The following ASIC5 variants were observed in gnomAD, a reference collection of about 807,000 sequenced individuals.
ASIC5 encodes acid sensing ion channel subunit family member 5, also known as bile acid-sensitive ion channel.
In ASIC5, 52 loss-of-function variants were observed where a neutral mutation model predicts 51.2. That is an observed-to-expected ratio of 1.02 (90% confidence interval 0.81 to 1.28). The LOEUF is 1.28. ASIC5 is among the 50% of genes most tolerant of loss of function. ASIC5 has a pLI of 0.00. For missense variants in ASIC5, 635 were observed against 595.0 expected (o/e 1.07, Z -0.70); for synonymous variants, 231 against 200.7 (o/e 1.15, Z -1.28).
chr4:155,865,801 CA>C (rs1255252284), intron 1 of ASIC5, among the ~76,000 whole-genome samples: 1 of 152,082 alleles, frequency 6.6e-6, no homozygotes, highest in Non-Finnish European at 1.5e-5. Flanking sequence ...GGAGTATATA[CA>C]GTGTCATTAT....
chr4:155,842,576 TAA>T (rs770494336), intron 5 of ASIC5, among the ~76,000 whole-genome samples: 2 of 152,256 alleles, frequency 1.3e-5, no homozygotes, highest in East Asian at 1.9e-4. Flanking sequence ...TGTGAATTAA[TAA>T]AGTCAGACAC....
At chr4:155,847,499 T>G (rs1741281908) in intron 4 of ASIC5, among the ~76,000 whole-genome samples, 1 of 151,954 alleles carries the variant, frequency 6.6e-6, no homozygotes, top group Non-Finnish European at 1.5e-5. Flanking sequence ...AGCAGGTGGA[T>G]CACCTGAGGT....
At chr4:155,851,263 T>A (rs1741376005) in intron 4 of ASIC5, among the ~76,000 whole-genome samples, 1 of 152,026 alleles carries the variant, frequency 6.6e-6, no homozygotes, top group Non-Finnish European at 1.5e-5. Context: ...CAAGTATATG[T>A]AGGTACATGC....
At chr4:155,832,540 C>T (rs775440327) in intron 8 of ASIC5, among the ~76,000 whole-genome samples, 24 of 152,274 alleles carry the variant, frequency 1.6e-4, no homozygotes, top group South Asian at 6.2e-4. Flanking sequence ...GCTCGTTACA[C>T]GGTCTTGAAA....
chr4:155,843,967 T>C (rs1474220989), intron 4 of ASIC5, 137 bp from the exon 5 acceptor site: 2 of 842,828 alleles, frequency 2.4e-6, no homozygotes, highest in Non-Finnish European at 3.6e-6. Flanking sequence ...TATCTCTTTT[T>C]GTCTAAAGTG....
At chr4:155,832,908 A>G (rs1740902294) in intron 8 of ASIC5, among the ~76,000 whole-genome samples, 1 of 152,064 alleles carries the variant, frequency 6.6e-6, no homozygotes, top group Non-Finnish European at 1.5e-5. Flanking sequence ...TTCAACAAAT[A>G]TTGTCAGGAA....
In ASIC5 at chr4:155,843,920, G is replaced by A; in HGVS notation, c.712-90C>T. ...GATTTAGTTTTATCATCTCATGATA[G>A]CGTTTGACTAATCCTAAATATTTTA... On this transcript the variant is annotated intron_variant, in intron 4 of 9. Coordinates refer to ENST00000537611, the MANE Select transcript of ASIC5 (RefSeq NM_017419.3). 4.4e-6 allele frequency: 5 copies of A among 1,132,574 alleles called. No homozygotes were observed. The South Asian group carries it at 5.6e-5, about 13-fold the overall frequency. 70.2% of individuals were successfully genotyped at this position (1,132,574 alleles called of 1,614,324 possible).
chr4:155,865,368 A>C (rs920728781), intron 1 of ASIC5, among the ~76,000 whole-genome samples: 2 of 152,150 alleles, frequency 1.3e-5, no homozygotes, highest in Non-Finnish European at 2.9e-5. Context: ...AATATATTTA[A>C]ATATGCTCTT....
In ASIC5 at chr4:155,852,254, G is replaced by A. The variant is rs145168162; in HGVS notation, c.648C>T (p.Leu216=). ...AGACACTCACTTTTCTCTTTGCTTG[G>A]AGAGTTTCACCATGATTAAAAGTAA... The part of the protein sequence containing the change: ...NCFTFNHGET[L]QAKRKVSVSG... Residue 216 remains leucine, a synonymous_variant, in exon 4 of 10, where the codon CTC becomes CTT. Transcript: ENST00000537611. The A allele has an allele frequency of 5.3e-5, 85 of 1,607,310 alleles. 1 individual carries two copies. The African/African-American group carries it at 8.6e-4, about 16-fold the overall frequency.
At chr4:155,866,136 C>G in intron 1 of ASIC5, 51 bp downstream of exon 1, 1 of 1,180,788 alleles carries the variant, frequency 8.5e-7, no homozygotes, top group Non-Finnish European at 1.2e-6. Flanking sequence ...TTACTTCTGG[C>G]CTCTAGAAAT....
At chr4:155,833,106 C>T (rs1365673295) in intron 8 of ASIC5, among the ~76,000 whole-genome samples, 2 of 152,122 alleles carry the variant, frequency 1.3e-5, no homozygotes, top group Non-Finnish European at 2.9e-5. Flanking sequence ...CTTTTATACA[C>T]TGAGGTATCT....
At chr4:155,833,425 A>T (rs1740913745) in intron 8 of ASIC5, among the ~76,000 whole-genome samples, 1 of 152,242 alleles carries the variant, frequency 6.6e-6, no homozygotes, top group African/African-American at 2.4e-5. Flanking sequence ...TTTTGAAATC[A>T]ATAATTCCAA....
At chr4:155,848,583 A>C (rs1420228436) in intron 4 of ASIC5, among the ~76,000 whole-genome samples, 1 of 152,132 alleles carries the variant, frequency 6.6e-6, no homozygotes, top group Non-Finnish European at 1.5e-5. Context: ...TTCCTTGTCA[A>C]TTGTGTCTTT....
At chr4:155,863,404 G>C (rs1741765282) in intron 2 of ASIC5, 44 bp downstream of exon 2, 1 of 1,442,528 alleles carries the variant, frequency 6.9e-7, no homozygotes, top group East Asian at 2.5e-5. Context: ...GATTATACTA[G>C]CAAATTTATA....
chr4:155,850,382 A>G (rs2111251573), intron 4 of ASIC5, among the ~76,000 whole-genome samples: 1 of 152,130 alleles, frequency 6.6e-6, no homozygotes, highest in South Asian at 2.1e-4. Flanking sequence ...ATATTAATTG[A>G]TGTCTCATGT....
rs570199743 is a variant in ASIC5, at chr4:155,853,132, T to C, written c.586-816A>G. On this transcript the variant is annotated intron_variant, in intron 3 of 9. Coordinates refer to ENST00000537611, the MANE Select transcript of ASIC5 (RefSeq NM_017419.3). The stretch of plus-strand genomic sequence containing the variant: ...AGAACAGAAATGGGTTTCTGTAATA[T>C]GCAACTGAAAAAATTCTCTAACATG... Among the ~76,000 whole-genome samples the C allele has an allele frequency of 7.8e-4, 119 of 152,172 alleles. 1 individual carries two copies. Among genetic ancestry groups the C allele is most frequent in the African/African-American group, 2.7e-3 (112 of 41,556 alleles).
At chr4:155,839,062 G>A (rs1741059068) in intron 6 of ASIC5, among the ~76,000 whole-genome samples, 193 bp from the exon 7 acceptor site, 1 of 152,074 alleles carries the variant, frequency 6.6e-6, no homozygotes, top group East Asian at 1.9e-4. Flanking sequence ...TGTGTTGGGA[G>A]GAAGAATAAT....
intron 1 of ASIC5, chr4:155,864,504 C>T (rs555597257): frequency 2.0e-5 from 3 of 152,152 alleles, no homozygotes; most frequent in African/African-American, 7.2e-5. Flanking sequence ...TCCATTTGTT[C>T]ATAGGAGAAG....
intron 8 of ASIC5, among the ~76,000 whole-genome samples, chr4:155,833,304 A>G (rs1287190949): frequency 6.6e-6 from 1 of 152,200 alleles, no homozygotes; most frequent in Non-Finnish European, 1.5e-5. Flanking sequence ...AATAATAATA[A>G]TAGTATTCAT....
Sources: allele counts gnomAD v4.1 joint callset (sites outside exome capture counted in the v4.1 genomes callset), GRCh38; gene constraint gnomAD v4.1.1; transcripts MANE v1.5; gene names NCBI Gene and HGNC (gene_info 2026-07-23, HGNC 2026-07-21).